Variants in ZFHX3 observed in about 807,000 individuals in gnomAD.
ZFHX3 encodes the protein zinc finger homeobox 3.
A neutral mutation model predicts 279.1 loss-of-function variants in ZFHX3; 42 were observed. The observed-to-expected ratio is 0.15, with a 90% CI of 0.12 to 0.19. The LOEUF is 0.19. ZFHX3 is among the 10% of genes least tolerant of loss of function. ZFHX3 has a pLI of 1.00. For missense variants in ZFHX3, 4,981 were observed against 4,754.0 expected (o/e 1.05, Z -1.40); for synonymous variants, 2,293 against 1,957.8 (o/e 1.17, Z -4.52).
chr16:73,643,625 A>T (rs1297126251), intron 2 of ZFHX3, among the ~76,000 whole-genome samples: 1 of 152,174 alleles, frequency 6.6e-6, no homozygotes, highest in African/African-American at 2.4e-5. Flanking sequence ...CAACCTGAAA[A>T]GTCATCCTAG....
chr16:73,058,530 G>A (rs1965619885), exon 1 of ZFHX3: 3 of 163,132 alleles, frequency 1.8e-5, no homozygotes, highest in Non-Finnish European at 2.6e-5. Flanking sequence ...TGCCACTTAC[G>A]CGGTTGCTTC....
At chr16:73,877,945 A>T (rs1285113354) in intron 1 of ZFHX3, among the ~76,000 whole-genome samples, 2 of 152,024 alleles carry the variant, frequency 1.3e-5, no homozygotes, top group African/African-American at 4.8e-5. Flanking sequence ...CAATCTCTTT[A>T]TTTAAAAAAG....
chr16:73,033,766 C>T (rs1785258630), intron 1 of ZFHX3, among the ~76,000 whole-genome samples: 1 of 152,200 alleles, frequency 6.6e-6, no homozygotes. Flanking sequence ...GCACAAATCC[C>T]ACTGGCATCC....
At chr16:73,485,865 ACTC>A (rs1262978452) in intron 2 of ZFHX3, among the ~76,000 whole-genome samples, 1 of 151,078 alleles carries the variant, frequency 6.6e-6, no homozygotes, top group Admixed American at 6.6e-5. Flanking sequence ...CTGGGTGAAA[ACTC>A]CTCCTACCAT....
At chr16:73,166,111 G>T (rs1967358460) in intron 5 of ZFHX3, among the ~76,000 whole-genome samples, 2 of 152,140 alleles carry the variant, frequency 1.3e-5, no homozygotes, top group African/African-American at 2.4e-5. Flanking sequence ...ATAGAGAGTC[G>T]CATTGGACCT....
At chr16:73,649,042 T>G (rs1424657443) in intron 2 of ZFHX3, among the ~76,000 whole-genome samples, 1 of 152,212 alleles carries the variant, frequency 6.6e-6, no homozygotes, top group Admixed American at 6.5e-5. Context: ...TTGAAATAAC[T>G]ACTCAGAAGA....
In ZFHX3 at chr16:72,957,585, G is replaced by A; in HGVS notation, c.2561C>T (p.Pro854Leu). 6.2e-7 allele frequency: 1 copy of A among 1,613,692 alleles called. No homozygotes were observed. Among genetic ancestry groups the A allele is most frequent in the Admixed American group, 1.7e-5 (1 of 59,962 alleles). Residue 854 changes from proline (P) to leucine (L), a missense_variant, in exon 2 of 10, where the codon CCC (proline) becomes CTC (leucine). Transcript: ENST00000268489. ...HNRHLGLGSL[P>L]SPAEAELYQY... Reference sequence around the variant, plus strand: ...GTAGAGCTCGGCCTCGGCGGGTGAGGGCAGGCTGCCGAGGCCCAGGTGGCG... The same window carrying A: ...GTAGAGCTCGGCCTCGGCGGGTGAGAGCAGGCTGCCGAGGCCCAGGTGGCG...
intron 3 of ZFHX3, among the ~76,000 whole-genome samples, chr16:73,431,668 T>C (rs1416058906): frequency 6.6e-6 from 1 of 152,260 alleles, no homozygotes; most frequent in Admixed American, 6.5e-5. Flanking sequence ...AATAATGATG[T>C]AATGAATATC....
intron 2 of ZFHX3, among the ~76,000 whole-genome samples, chr16:73,483,053 C>G (rs2018898533): frequency 6.6e-6 from 1 of 152,234 alleles, no homozygotes; most frequent in African/African-American, 2.4e-5. Context: ...TCCGCTCCCT[C>G]TTCCCCCTCC....
chr16:73,071,489 G>C (rs898144870), intron 8 of ZFHX3, among the ~76,000 whole-genome samples: 2 of 152,048 alleles, frequency 1.3e-5, no homozygotes, highest in African/African-American at 2.4e-5. Flanking sequence ...CGCCGCCGCC[G>C]CCGCCGCCGA....
At chr16:73,174,503 C>A (rs1967615661) in intron 5 of ZFHX3, among the ~76,000 whole-genome samples, 1 of 152,080 alleles carries the variant, frequency 6.6e-6, no homozygotes, top group African/African-American at 2.4e-5. Flanking sequence ...CACGTGTTTT[C>A]TTTTTGCATC....
intron 3 of ZFHX3, among the ~76,000 whole-genome samples, chr16:73,331,603 G>A (rs2015806447): frequency 6.6e-6 from 1 of 152,208 alleles, no homozygotes; most frequent in African/African-American, 2.4e-5. Flanking sequence ...ATGCAGTTAA[G>A]AGGAGTAACT....
At chr16:72,846,401 G>A (rs2037481570) in intron 4 of ZFHX3, among the ~76,000 whole-genome samples, 1 of 152,248 alleles carries the variant, frequency 6.6e-6, no homozygotes, top group Non-Finnish European at 1.5e-5. Flanking sequence ...AGGGAGAGAA[G>A]GGACAAGGCA....
intron 3 of ZFHX3, among the ~76,000 whole-genome samples, chr16:72,934,499 T>C (rs1475042537): frequency 1.3e-5 from 2 of 152,228 alleles, no homozygotes; most frequent in Non-Finnish European, 2.9e-5. Flanking sequence ...TTTAGTACCA[T>C]AGCCACAGGT....
At position 72,796,541 on chromosome 16, in the gene ZFHX3, A is replaced by C. The variant is rs748370255; in HGVS notation, c.6141T>G (p.Pro2047=). ...PEPPPPPPPP[P]PPPLPAAPPQ... Reference sequence around the variant, plus strand: ...GCGGCGCTGCCGGAAGTGGGGGTGGAGGGGGTGGAGGGGGAGGTGGTGGTG... The same window carrying C: ...GCGGCGCTGCCGGAAGTGGGGGTGGCGGGGGTGGAGGGGGAGGTGGTGGTG... Residue 2047 remains proline, a synonymous_variant, in exon 9 of 10, where the codon CCT becomes CCG. Transcript: ENST00000268489. 36 of 187,848 alleles carry C rather than the reference A, an allele frequency of 1.9e-4. No individual in the cohort carries two copies. Among genetic ancestry groups the C allele is most frequent in the South Asian group, 1.6e-3 (34 of 20,740 alleles). 11.6% of individuals were successfully genotyped at this position (187,848 alleles called of 1,614,324 possible). A position where few individuals can be genotyped will look rare whatever the true frequency, so the allele number is the denominator to read the frequency against.
chr16:73,351,724 C>G (rs904566348), intron 3 of ZFHX3, among the ~76,000 whole-genome samples: 5 of 152,224 alleles, frequency 3.3e-5, no homozygotes, highest in Admixed American at 1.3e-4. Flanking sequence ...TTAACCTCTT[C>G]CTTTCTTCAA....
Position 73,783,585 on chromosome 16 carries a change from T to C in ZFHX3, c.-1607-103345A>G, listed in dbSNP as rs75346579. Among the ~76,000 whole-genome samples, 1,261 of 152,332 alleles carry C rather than the reference T, an allele frequency of 8.3e-3. 16 individuals are homozygous for C. The highest frequency in any genetic ancestry group is 0.029 in the African/African-American group (1,209 of 41,576). ...TAGCATGTGGGAAAGTTTCCCATTTTATTCTAGGAAATTGATGATTGATTC... is the reference window on the plus strand; with the variant it reads ...TAGCATGTGGGAAAGTTTCCCATTTCATTCTAGGAAATTGATGATTGATTC... On this transcript the variant is annotated intron_variant, in intron 1 of 17. Transcript: ENST00000641206.
At chr16:73,784,788 A>T (rs1245693944) in intron 1 of ZFHX3, among the ~76,000 whole-genome samples, 3 of 82,616 alleles carry the variant, frequency 3.6e-5, no homozygotes, top group African/African-American at 2.9e-4. Context: ...TAACAAAATA[A>T]AAAAAAAAAT....
intron 4 of ZFHX3, among the ~76,000 whole-genome samples, chr16:72,872,963 G>C (rs970386524): frequency 1.3e-5 from 2 of 152,186 alleles, no homozygotes; most frequent in African/African-American, 4.8e-5. Context: ...TCCCACAACA[G>C]CCTGGGGTCT....
Sources: gnomAD v4.1 joint callset for allele counts (sites outside exome capture counted in the v4.1 genomes callset) on GRCh38, gnomAD v4.1.1 for gene constraint, MANE v1.5 for transcripts, NCBI Gene and HGNC (gene_info 2026-07-23, HGNC 2026-07-21) for gene names.